Variants in DIABLO observed in about 807,000 individuals in gnomAD.
The protein encoded by DIABLO is diablo homolog, mitochondrial.
Under a neutral mutation model 31.7 loss-of-function variants are expected in DIABLO, and 32 were observed. That is an observed-to-expected ratio of 1.01 (90% CI 0.76 to 1.35). DIABLO has a LOEUF of 1.35. DIABLO is among the 40% of genes most tolerant of loss of function. The pLI is 0.00. For missense variants in DIABLO, 316 were observed against 286.4 expected, an observed-to-expected ratio of 1.10 and a Z score of -0.75; for synonymous variants, 132 against 103.2, an observed-to-expected ratio of 1.28 and a Z score of -1.69.
upstream of DIABLO, chr12:122,226,134 A>T: frequency 7.0e-7 from 1 of 1,438,220 alleles, no homozygotes; most frequent in Non-Finnish European, 9.5e-7. Flanking sequence ...CACCCAAGGA[A>T]GCAGTCGGGA....
At position 122,216,709 on chromosome 12, in the gene DIABLO, C is replaced by T. The variant is rs1226461856; in HGVS notation, c.426+50G>A. On this transcript the variant is annotated intron_variant, in intron 4 of 5. Coordinates refer to ENST00000464942, the MANE Select transcript of DIABLO (RefSeq NM_001371333.1). ...AGACTTAATTCAATAATTTAGATAC[C>T]ACATGAGGTAGGTGCACTAACACAG... 1.9e-6 allele frequency: 3 copies of T among 1,568,234 alleles called. No individual in the cohort carries two copies. In the South Asian group the frequency reaches 3.3e-5, roughly 17 times the overall value.
intron 1 of DIABLO, 76 bp from the exon 2 acceptor site, chr12:122,224,720 G>A (rs1954411860): frequency 6.2e-7 from 1 of 1,612,856 alleles, no homozygotes; most frequent in Non-Finnish European, 8.5e-7. Context: ...TGCAGGGGCT[G>A]TAAACTCAAA....
upstream of DIABLO, chr12:122,226,611 C>T (rs1322645811): frequency 4.4e-6 from 3 of 680,364 alleles, no homozygotes; most frequent in South Asian, 1.5e-5. Context: ...GCCGGGCTGG[C>T]GCCGTCCCAG....
At chr12:122,211,538 A>C (rs1954089046) in intron 5 of DIABLO, among the ~76,000 whole-genome samples, 1 of 151,514 alleles carries the variant, frequency 6.6e-6, no homozygotes, top group African/African-American at 2.4e-5. Context: ...ACAAGACACC[A>C]ACTCTTAAAA....
In DIABLO at chr12:122,208,554, C is replaced by T. The variant is rs781358968; in HGVS notation, c.547G>A (p.Ala183Thr). The T allele has an allele frequency of 2.1e-5, 34 of 1,613,396 alleles. No homozygotes were observed. The highest frequency in any genetic ancestry group is 4.5e-5 in the East Asian group (2 of 44,896). ...TTCACCAGCTGAATGTGATTCCTGGCGGTTATAGAGGCCTGATCTGCGCCT... is the reference window on the plus strand; with the variant it reads ...TTCACCAGCTGAATGTGATTCCTGGTGGTTATAGAGGCCTGATCTGCGCCT... Reference protein sequence around the residue: ...QTGADQASITARNHIQLVKLQ... With the variant: ...QTGADQASITTRNHIQLVKLQ... Residue 183 changes from alanine (A) to threonine (T), a missense_variant, in exon 6 of 6, where the codon GCC (alanine) becomes ACC (threonine). Coordinates refer to ENST00000464942, the MANE Select transcript of DIABLO (RefSeq NM_001371333.1).
intron 5 of DIABLO, among the ~76,000 whole-genome samples, chr12:122,209,367 GAAAAAA>G (rs890433073): frequency 1.5e-5 from 2 of 130,708 alleles, no homozygotes; most frequent in African/African-American, 8.8e-5. Flanking sequence ...AAAAAAAAAA[GAAAAAA>G]AGAAAAAAGG....
intron 1 of DIABLO, chr12:122,225,574 C>A: frequency 8.5e-7 from 1 of 1,181,018 alleles, no homozygotes; most frequent in Non-Finnish European, 1.1e-6. Context: ...GCTCCCCCGG[C>A]CCCTTCTGCC....
At chr12:122,210,659 G>GT (rs1460175656) in intron 5 of DIABLO, among the ~76,000 whole-genome samples, 2 of 151,998 alleles carry the variant, frequency 1.3e-5, no homozygotes, top group African/African-American at 4.8e-5. Context: ...GATTACAGGC[G>GT]TGAGCCACCG....
chr12:122,223,597 T>C lies in DIABLO; in HGVS notation c.183+915A>G, dbSNP rs138784293. Reference sequence around the variant, plus strand: ...TTCGCCTCCAGACACATTAGCTCCATGCTCCTCAGACATACCAGGCATACT... The same window carrying C: ...TTCGCCTCCAGACACATTAGCTCCACGCTCCTCAGACATACCAGGCATACT... On this transcript the variant is annotated intron_variant, in intron 2 of 5. Transcript: ENST00000464942. Among the ~76,000 whole-genome samples the C allele has an allele frequency of 4.6e-5, 7 of 152,310 alleles. No individual in the cohort carries two copies. In the East Asian group the frequency reaches 1.3e-3, roughly 29 times the overall value.
Position 122,209,668 on chromosome 12 carries a change from A to C in DIABLO, c.524-1091T>G, listed in dbSNP as rs558791234. 2,211 of 326,590 alleles carry C rather than the reference A, an allele frequency of 6.8e-3. 3 individuals are homozygous for C. Among genetic ancestry groups the C allele is most frequent in the Non-Finnish European group, 8.1e-3 (1,380 of 169,380 alleles). The allele number at this position is 326,590 out of a possible 1,614,324, so 20.2% of individuals were successfully genotyped here. On this transcript the variant is annotated intron_variant, in intron 5 of 5. Coordinates refer to ENST00000464942, the MANE Select transcript of DIABLO (RefSeq NM_001371333.1). ...TGAGAGTGAAACTCGTCTCCCCCCC[A>C]AAAAAAAAAATGAGCTCTCTCATTT...
At position 122,211,296 on chromosome 12, in the gene DIABLO, G is replaced by A. The variant is rs147201522; in HGVS notation, c.524-2719C>T. On this transcript the variant is annotated intron_variant, in intron 5 of 5. Transcript: ENST00000464942. Reference sequence around the variant, plus strand: ...GACTGCCTGTGGTCCCAGCTACTCAGGAGGCTGAGACAGGATTGCTTGACC... The same window carrying A: ...GACTGCCTGTGGTCCCAGCTACTCAAGAGGCTGAGACAGGATTGCTTGACC... Among the ~76,000 whole-genome samples the A allele has an allele frequency of 2.9e-3, 446 of 152,044 alleles. 5 individuals are homozygous for A. The highest frequency in any genetic ancestry group is 0.023 in the South Asian group (110 of 4,804).
rs764647908 is a variant in DIABLO at position 122,208,508 on chromosome 12, T to C, written c.593A>G (p.His198Arg). 167 of 1,614,026 alleles carry C rather than the reference T, an allele frequency of 1.0e-4. 1 individual carries two copies. Among genetic ancestry groups the C allele is most frequent in the Non-Finnish European group, 1.4e-4 (160 of 1,180,058 alleles). Residue 198 changes from histidine to arginine, a missense_variant, in exon 6 of 6, where the codon CAC becomes CGC. Transcript: ENST00000464942. ...QLVKLQVEEV[H>R]QLSRKAETKL... is the part of the protein sequence containing the mutation. ...GGTTTCTGCTTTCCGGGAGAGCTGGTGCACCTCTTCCACCTGCAGTTTCAC... is the reference window on the plus strand; with the variant it reads ...GGTTTCTGCTTTCCGGGAGAGCTGGCGCACCTCTTCCACCTGCAGTTTCAC...
Position 122,226,051 on chromosome 12 carries a change from GT to G in DIABLO, c.-38del. On this transcript the variant is annotated 5_prime_UTR_variant, in exon 1 of 6. Coordinates refer to ENST00000464942, the MANE Select transcript of DIABLO (RefSeq NM_001371333.1). The stretch of plus-strand genomic sequence containing the variant: ...CGGACGCCAGACGCACACGCCGGAA[GT>G]GACGCAGCTTCGTGAGCGCGGAGCG... The G allele has an allele frequency of 3.1e-6, 5 of 1,590,376 alleles. No homozygotes were observed. The highest frequency in any genetic ancestry group is 4.3e-6 in the Non-Finnish European group (5 of 1,170,602).
intron 5 of DIABLO, chr12:122,209,774 G>A (rs1318869664): frequency 1.4e-6 from 1 of 703,368 alleles, no homozygotes; most frequent in East Asian, 2.7e-5. Context: ...TGATCTTACT[G>A]CATTAACAAG....
intron 1 of DIABLO, chr12:122,225,288 T>C (rs980070660): frequency 4.6e-5 from 26 of 567,368 alleles, no homozygotes; most frequent in Middle Eastern, 8.9e-4. Context: ...CTCGGGAGGC[T>C]GAGGCTGAGA....
intron 2 of DIABLO, among the ~76,000 whole-genome samples, chr12:122,219,353 T>G (rs1954285793): frequency 6.6e-6 from 1 of 152,142 alleles, no homozygotes; most frequent in South Asian, 2.1e-4. Context: ...CAACAAGACA[T>G]TCTCTGCCCT....
intron 5 of DIABLO, chr12:122,208,877 T>A: frequency 2.2e-6 from 1 of 449,780 alleles, no homozygotes; most frequent in Non-Finnish European, 4.2e-6. Context: ...GACCTTTGAT[T>A]AATTTTTTTA....
chr12:122,220,682 AAAAC>A (rs1255626592), intron 2 of DIABLO: 2 of 151,836 alleles, frequency 1.3e-5, no homozygotes, highest in Non-Finnish European at 2.9e-5. Context: ...AACAAAAACA[AAAAC>A]AAAAAATCAA....
rs941316155 is a variant in DIABLO, at chr12:122,207,932, C to T, written c.*449G>A. 8 of 461,542 alleles carry T rather than the reference C, an allele frequency of 1.7e-5. No homozygotes were observed. The highest frequency in any genetic ancestry group is 7.9e-5 in the African/African-American group (4 of 50,332). The allele number at this position is 461,542 out of a possible 1,614,324, so 28.6% of individuals were successfully genotyped here. A position where few individuals can be genotyped will look rare whatever the true frequency, so the allele number is the denominator to read the frequency against. On this transcript the variant is annotated 3_prime_UTR_variant, in exon 6 of 6. Transcript: ENST00000464942. The stretch of plus-strand genomic sequence containing the variant: ...ACATCAGAAATACATACAAAGAAAT[C>T]GTACAAACTGGACAGGTTCCCCTCC...
Sources: gnomAD v4.1 joint callset for allele counts (sites outside exome capture counted in the v4.1 genomes callset) on GRCh38, gnomAD v4.1.1 for gene constraint, MANE v1.5 for transcripts, NCBI Gene and HGNC (gene_info 2026-07-23, HGNC 2026-07-21) for gene names.